Variants in GSPT1 observed in about 807,000 individuals in gnomAD.
GSPT1 encodes eukaryotic peptide chain release factor GTP-binding subunit ERF3A.
A neutral mutation model predicts 72.5 loss-of-function variants in GSPT1; 20 were observed. The ratio of observed to expected loss-of-function variants is 0.28; its 90% CI spans 0.19 to 0.40. The LOEUF (loss-of-function observed/expected upper bound fraction) is 0.40, where lower values mean the gene tolerates loss of function less well. Among genes scored for constraint, GSPT1 ranks in the 10% least tolerant of loss-of-function variants. The pLI is 1.00. For missense variants in GSPT1, 580 were observed against 811.9 expected (o/e 0.71, Z 3.47); for synonymous variants, 334 against 293.5 (o/e 1.14, Z -1.41).
intron 6 of GSPT1, among the ~76,000 whole-genome samples, chr16:11,890,201 C>G (rs1276952614): frequency 6.6e-6 from 1 of 151,182 alleles, no homozygotes; most frequent in Non-Finnish European, 1.5e-5. Flanking sequence ...ACCTCGTGAT[C>G]CGCCCGTCTT....
At chr16:11,911,794 C>T (rs1321821441) in intron 1 of GSPT1, among the ~76,000 whole-genome samples, 4 of 149,428 alleles carry the variant, frequency 2.7e-5, no homozygotes, top group East Asian at 2.0e-4. Flanking sequence ...TCAGGTGATC[C>T]GTCCACCTCG....
chr16:11,877,345 C>T lies in GSPT1; in HGVS notation c.1602+62G>A. On this transcript the variant is annotated intron_variant, in intron 12 of 14. Transcript: ENST00000434724. This position sits in a 1 kb window ranked among gnomAD's most constrained non-coding sequence, Gnocchi z 4.0. Reference sequence around the variant, plus strand: ...TCACAAATAATCAGGACAAAAGGCACTGATATTCTAATTTCATTTAGACAT... The same window carrying T: ...TCACAAATAATCAGGACAAAAGGCATTGATATTCTAATTTCATTTAGACAT... 7.0e-6 allele frequency: 8 copies of T among 1,149,864 alleles called. No homozygotes were observed. The highest frequency in any genetic ancestry group is 1.6e-5 in the South Asian group (1 of 63,104). The allele number at this position is 1,149,864 out of a possible 1,614,324, so 71.2% of individuals were successfully genotyped here.
At chr16:11,874,726 C>G (rs2054018838) in intron 14 of GSPT1, among the ~76,000 whole-genome samples, 1 of 152,058 alleles carries the variant, frequency 6.6e-6, no homozygotes, top group Non-Finnish European at 1.5e-5. Flanking sequence ...AGTTCAGGAA[C>G]TGTATTCATC....
At position 11,877,347 on chromosome 16, in the gene GSPT1, G is replaced by T; in HGVS notation, c.1602+60C>A. 2.6e-6 allele frequency: 3 copies of T among 1,162,578 alleles called. No individual in the cohort carries two copies. Among genetic ancestry groups the T allele is most frequent in the South Asian group, 1.6e-5 (1 of 63,816 alleles). The allele number at this position is 1,162,578 out of a possible 1,614,324, so 72.0% of individuals were successfully genotyped here. On this transcript the variant is annotated intron_variant, in intron 12 of 14. Transcript: ENST00000434724. This position sits in a 1 kb window ranked among gnomAD's most constrained non-coding sequence, Gnocchi z 4.0. ...ACAAATAATCAGGACAAAAGGCACT[G>T]ATATTCTAATTTCATTTAGACATTA... is the stretch of plus-strand genomic sequence containing the variant.
At chr16:11,884,129 A>G (rs1047719265) in intron 10 of GSPT1, among the ~76,000 whole-genome samples, 1 of 152,264 alleles carries the variant, frequency 6.6e-6, no homozygotes, top group Non-Finnish European at 1.5e-5. Flanking sequence ...CGCAAAACTT[A>G]AAAATTCAAG....
chr16:11,870,370 CTAAA>C lies in GSPT1; in HGVS notation c.*2745_*2748del, dbSNP rs758707476. 32 of 152,154 alleles carry C rather than the reference CTAAA, an allele frequency of 2.1e-4. No individual in the cohort carries two copies. The highest frequency in any genetic ancestry group is 4.2e-4 in the South Asian group (2 of 4,818). 9.4% of individuals were successfully genotyped at this position (152,154 alleles called of 1,614,324 possible). On this transcript the variant is annotated 3_prime_UTR_variant, in exon 15 of 15. Coordinates refer to ENST00000434724, the MANE Select transcript of GSPT1 (RefSeq NM_002094.4). ...AAATTCACTTTATTAATTTAAAAAA[CTAAA>C]TAATCGCATGAAAGTTATATAAAGA...
At chr16:11,890,929 G>A in intron 6 of GSPT1, 133 bp downstream of exon 6, 3 of 590,814 alleles carry the variant, frequency 5.1e-6, no homozygotes, top group South Asian at 3.9e-5. Flanking sequence ...TGTATTATGA[G>A]GAGAGGGGAA....
At chr16:11,890,571 A>G (rs2054246341) in intron 6 of GSPT1, among the ~76,000 whole-genome samples, 1 of 152,210 alleles carries the variant, frequency 6.6e-6, no homozygotes, top group Non-Finnish European at 1.5e-5. Flanking sequence ...AGGCTTGCTA[A>G]CTTTTTAAAA....
intron 1 of GSPT1, chr16:11,915,024 C>A (rs886161790): frequency 7.8e-7 from 1 of 1,290,076 alleles, no homozygotes; most frequent in Non-Finnish European, 1.0e-6. Flanking sequence ...CCTCATTCTG[C>A]GCCTCGTGGC....
At chr16:11,905,856 T>G (rs907877661) in intron 1 of GSPT1, among the ~76,000 whole-genome samples, 1 of 151,838 alleles carries the variant, frequency 6.6e-6, no homozygotes, top group South Asian at 2.1e-4. Context: ...AGTAAGTAAA[T>G]AAATAAATAA....
intron 5 of GSPT1, among the ~76,000 whole-genome samples, chr16:11,891,597 G>T (rs1008716288): frequency 6.6e-6 from 1 of 150,824 alleles, no homozygotes; most frequent in Non-Finnish European, 1.5e-5. Flanking sequence ...CCTGACCTTG[G>T]GTGATCCACC....
At chr16:11,883,470 A>AAAAAAAAAAAAAAAAAAAAAAAAAAAAC (rs2054147337) in intron 10 of GSPT1, among the ~76,000 whole-genome samples, 1 of 145,790 alleles carries the variant, frequency 6.9e-6, no homozygotes. Context: ...AAAAAAAAAA[A>AAAAAAAAAAAAAAAAAAAAAAAAAAAAC]AAATTGCCAG....
At chr16:11,903,012 C>T (rs961913551) in intron 1 of GSPT1, among the ~76,000 whole-genome samples, 7 of 151,956 alleles carry the variant, frequency 4.6e-5, no homozygotes, top group African/African-American at 1.5e-4. Flanking sequence ...CCACCGCGCC[C>T]GGCTTCCAAG....
In GSPT1 at chr16:11,877,724, C is replaced by G. The variant is rs1478211096; in HGVS notation, c.1429-144G>C. The G allele has an allele frequency of 1.8e-6, 1 of 565,564 alleles. No homozygotes were observed. Among genetic ancestry groups the G allele is most frequent in the East Asian group, 3.0e-5 (1 of 33,024 alleles). The allele number at this position is 565,564 out of a possible 1,614,324, so 35.0% of individuals were successfully genotyped here. A position where few individuals can be genotyped will look rare whatever the true frequency, so the allele number is the denominator to read the frequency against. On this transcript the variant is annotated intron_variant, in intron 11 of 14. Transcript: ENST00000434724. This position sits in a 1 kb window ranked among gnomAD's most constrained non-coding sequence, Gnocchi z 4.0. ...TGTTTGTATGACATAAAATCTTAGC[C>G]TAGATATGATCAGCAAAAATCATAT...
Position 11,915,928 on chromosome 16 carries a change from G to T in GSPT1, c.-208C>A. The T allele has an allele frequency of 1.3e-6, 1 of 764,446 alleles. No individual in the cohort carries two copies. 47.4% of individuals were successfully genotyped at this position (764,446 alleles called of 1,614,324 possible). A position where few individuals can be genotyped will look rare whatever the true frequency, so the allele number is the denominator to read the frequency against. On this transcript the variant is annotated 5_prime_UTR_variant, in exon 1 of 15. It adds an upstream start codon to the 5' untranslated region. Transcript: ENST00000434724. ...GACGACAGAGGCGGCGGCGGCGGCA[G>T]CTCAACCCTCCTCCTCGTGTGTGTG...
chr16:11,887,485 G>C (rs1363519808), intron 7 of GSPT1, 85 bp downstream of exon 7: 1 of 1,094,680 alleles, frequency 9.1e-7, no homozygotes, highest in South Asian at 1.4e-5. Flanking sequence ...ACCTGAATTT[G>C]AGCTTTTAGA....
chr16:11,905,060 C>T (rs1176988375), intron 1 of GSPT1, among the ~76,000 whole-genome samples: 1 of 152,166 alleles, frequency 6.6e-6, no homozygotes, highest in Admixed American at 6.5e-5. Flanking sequence ...AGAGTAAGAC[C>T]CTGTATCAAA....
At chr16:11,901,054 G>T (rs1476414897) in intron 1 of GSPT1, among the ~76,000 whole-genome samples, 1 of 152,222 alleles carries the variant, frequency 6.6e-6, no homozygotes, top group African/African-American at 2.4e-5. Flanking sequence ...TGCGCCTGCA[G>T]TCCCAGCTGC....
chr16:11,892,516 A>AT (rs1555504694), intron 5 of GSPT1, among the ~76,000 whole-genome samples: 1 of 140,820 alleles, frequency 7.1e-6, no homozygotes, highest in African/African-American at 2.8e-5. Context: ...CAAAAAAACA[A>AT]AAAAAACAAA....
Sources: allele counts gnomAD v4.1 joint callset (sites outside exome capture counted in the v4.1 genomes callset), GRCh38; gene constraint gnomAD v4.1.1; non-coding constraint Gnocchi (gnomAD v3.1); transcripts MANE v1.5; gene names NCBI Gene and HGNC (gene_info 2026-07-23, HGNC 2026-07-21).